The following NRXN3 variants were observed in gnomAD, a reference collection of about 807,000 sequenced individuals.
NRXN3 encodes the protein neurexin 3.
A neutral mutation model predicts 137.6 loss-of-function variants in NRXN3; 32 were observed. That is an observed-to-expected ratio of 0.23 (90% confidence interval 0.18 to 0.31). The LOEUF is 0.31. NRXN3 is among the 10% of genes least tolerant of loss of function. The probability of loss-of-function intolerance (pLI) is 1.00; values close to 1 mark genes in which losing one functional copy is unlikely to be tolerated. For synonymous variants in NRXN3, 798 were observed against 784.5 expected (o/e 1.02, Z -0.29); for missense variants, 1,574 against 2,062.5 (o/e 0.76, Z 4.59).
At chr14:79,604,667 TAAG>T (rs1161112708) in intron 16 of NRXN3, among the ~76,000 whole-genome samples, 3 of 152,172 alleles carry the variant, frequency 2.0e-5, no homozygotes, top group African/African-American at 7.2e-5. Flanking sequence ...CCATTTTGTA[TAAG>T]AAGATAAAAA....
intron 4 of NRXN3, among the ~76,000 whole-genome samples, chr14:78,353,772 C>T (rs904893019): frequency 2.6e-5 from 4 of 152,102 alleles, no homozygotes; most frequent in East Asian, 3.9e-4. Context: ...TCTATATCCT[C>T]GGAGATGAGC....
chr14:78,515,473 C>T (rs994401), intron 4 of NRXN3, among the ~76,000 whole-genome samples: 6,869 of 152,148 alleles, frequency 0.045, 179 homozygotes, highest in South Asian at 0.067. Flanking sequence ...AAAACTTTCC[C>T]AGATACTCCC....
At chr14:79,412,019 A>G (rs1025467893) in intron 15 of NRXN3, among the ~76,000 whole-genome samples, 1 of 152,132 alleles carries the variant, frequency 6.6e-6, no homozygotes, top group African/African-American at 2.4e-5. Flanking sequence ...TGTAGGGAGT[A>G]GTATAATTGA....
chr14:79,737,596 G>A (rs182248529), intron 19 of NRXN3, among the ~76,000 whole-genome samples: 102 of 152,054 alleles, frequency 6.7e-4, no homozygotes, highest in Non-Finnish European at 1.1e-3. Flanking sequence ...CCACTTTTTC[G>A]TCAGATTGCA....
At chr14:78,554,785 A>C (rs1455419598) in intron 4 of NRXN3, among the ~76,000 whole-genome samples, 1 of 143,290 alleles carries the variant, frequency 7.0e-6, no homozygotes, top group East Asian at 2.1e-4. Flanking sequence ...TTCTGAGATC[A>C]ACACTAGGCA....
At chr14:79,345,350 T>C (rs2092814137) in intron 15 of NRXN3, among the ~76,000 whole-genome samples, 1 of 152,078 alleles carries the variant, frequency 6.6e-6, no homozygotes, top group South Asian at 2.1e-4. Context: ...TTGCTTTAGG[T>C]GGGTAAGGGA....
intron 10 of NRXN3, among the ~76,000 whole-genome samples, chr14:78,825,211 A>G (rs1477371236): frequency 6.6e-6 from 1 of 151,268 alleles, no homozygotes; most frequent in Non-Finnish European, 1.5e-5. Flanking sequence ...AAAAAAAAAA[A>G]AAAAAAGAAA....
chr14:78,616,281 C>T (rs768215722), intron 4 of NRXN3, among the ~76,000 whole-genome samples: 23 of 152,360 alleles, frequency 1.5e-4, no homozygotes, highest in Non-Finnish European at 3.1e-4. Flanking sequence ...GCAACTTCCT[C>T]TTACACTGCT....
In NRXN3 at chr14:78,476,821, T is replaced by G. The variant is rs375050319; in HGVS notation, c.758-168299T>G. ...TATGCCAGTCATTAAGCGTGTTGATTCATGTAGTAACTGGGAATTCTTAGT... is the reference window on the plus strand; with the variant it reads ...TATGCCAGTCATTAAGCGTGTTGATGCATGTAGTAACTGGGAATTCTTAGT... On this transcript the variant is annotated intron_variant, in intron 4 of 20. Transcript: ENST00000335750. Among the ~76,000 whole-genome samples, 3 of 152,336 alleles carry G rather than the reference T, an allele frequency of 2.0e-5. No homozygotes were observed. In the East Asian group the frequency reaches 5.8e-4, roughly 29 times the overall value.
chr14:78,339,677 A>G (rs1262465558), intron 4 of NRXN3, among the ~76,000 whole-genome samples: 1 of 152,178 alleles, frequency 6.6e-6, no homozygotes, highest in Non-Finnish European at 1.5e-5. Context: ...TCCTCTGTAC[A>G]CATGTGGACC....
intron 4 of NRXN3, among the ~76,000 whole-genome samples, chr14:78,502,571 C>T (rs147379193): frequency 2.0e-3 from 297 of 152,238 alleles, no homozygotes; most frequent in African/African-American, 6.8e-3. Flanking sequence ...TGGAGATGCA[C>T]AAGTCTTGAT....
At chr14:78,819,254 G>T (rs924609887) in intron 10 of NRXN3, among the ~76,000 whole-genome samples, 2 of 152,062 alleles carry the variant, frequency 1.3e-5, no homozygotes, top group South Asian at 2.1e-4. Flanking sequence ...GATATACAAG[G>T]TGACAAATTC....
chr14:79,106,443 G>A (rs1482577378), intron 15 of NRXN3, among the ~76,000 whole-genome samples: 1 of 146,780 alleles, frequency 6.8e-6, no homozygotes, highest in Non-Finnish European at 1.5e-5. Flanking sequence ...GATTCCTGTA[G>A]GAAGACACTG....
chr14:78,519,175 G>A (rs1007115494), intron 4 of NRXN3, among the ~76,000 whole-genome samples: 4 of 152,104 alleles, frequency 2.6e-5, no homozygotes, highest in Admixed American at 1.3e-4. Flanking sequence ...GAGACTTATG[G>A]TAGCAAAGGA....
At chr14:79,315,761 G>T (rs1343989656) in intron 15 of NRXN3, among the ~76,000 whole-genome samples, 1 of 152,148 alleles carries the variant, frequency 6.6e-6, no homozygotes, top group African/African-American at 2.4e-5. Flanking sequence ...ATTCTTGGTT[G>T]CTCTGTTTCT....
chr14:79,545,802 G>C (rs776716274), intron 16 of NRXN3, among the ~76,000 whole-genome samples: 113 of 151,974 alleles, frequency 7.4e-4, no homozygotes, highest in Non-Finnish European at 1.2e-3. Context: ...CACTGGTGAA[G>C]ACATAAGCTT....
At chr14:79,361,503 G>T (rs537938517) in intron 15 of NRXN3, among the ~76,000 whole-genome samples, 2 of 152,118 alleles carry the variant, frequency 1.3e-5, no homozygotes, top group Non-Finnish European at 2.9e-5. Context: ...GATCACTTGA[G>T]GTCAGGAGTT....
chr14:79,171,819 G>GT lies in NRXN3; in HGVS notation c.3262+183688dup, dbSNP rs35490860. On this transcript the variant is annotated intron_variant, in intron 15 of 20. Coordinates refer to ENST00000335750, the MANE Select transcript of NRXN3 (RefSeq NM_001330195.2). ...AAGAAATATTTTGTTTATTTTATTT[G>GT]TTTTTTTTTTCTTTCCCATTAGTAA... 3.2e-3 allele frequency among the ~76,000 whole-genome samples: 470 copies of GT among 147,472 alleles called. 2 individuals are homozygous for GT. The highest frequency in any genetic ancestry group is 4.1e-3 in the East Asian group (21 of 5,062).
intron 3 of NRXN3, among the ~76,000 whole-genome samples, chr14:78,294,049 C>T (rs2076064983): frequency 6.6e-6 from 1 of 152,176 alleles, no homozygotes. Flanking sequence ...CCTCCAGAAA[C>T]CTTTTCTGAG....
Sources: gnomAD v4.1 joint callset for allele counts (sites outside exome capture counted in the v4.1 genomes callset) on GRCh38, gnomAD v4.1.1 for gene constraint, MANE v1.5 for transcripts, NCBI Gene and HGNC (gene_info 2026-07-23, HGNC 2026-07-21) for gene names.